NTMT1: variants seen among roughly 807,000 people sequenced by gnomAD.
The protein encoded by NTMT1 is N-terminal RCC1 methyltransferase.
In NTMT1, 8 loss-of-function variants were observed where a neutral mutation model predicts 17.5. That is an observed-to-expected ratio of 0.46 (90% confidence interval 0.27 to 0.82). NTMT1 has a LOEUF of 0.82. Among genes scored for constraint, NTMT1 ranks in the 40% least tolerant of loss-of-function variants. The probability of loss-of-function intolerance (pLI) is 0.15; values close to 1 mark genes in which losing one functional copy is unlikely to be tolerated. For missense variants in NTMT1, 221 were observed against 303.5 expected (o/e 0.73, Z 2.02); for synonymous variants, 128 against 126.8 (o/e 1.01, Z -0.06).
rs1191894043 is a variant in NTMT1, at chr9:129,614,640, A to G, written c.-55+5462A>G. 3.3e-5 allele frequency among the ~76,000 whole-genome samples: 5 copies of G among 152,190 alleles called. No individual in the cohort carries two copies. The highest frequency in any genetic ancestry group is 5.9e-5 in the Non-Finnish European group (4 of 68,028). ...TGGGAATGGCCAGGCGCGGTGGCTC[A>G]TGCCTGTAATCCCAGCACTTTGGGA... On this transcript the variant is annotated intron_variant, in intron 1 of 3. Coordinates refer to the NTMT1 transcript ENST00000372486. This position sits in a 1 kb window ranked among gnomAD's most constrained non-coding sequence, Gnocchi z 4.4.
intron 2 of NTMT1, among the ~76,000 whole-genome samples, 191 bp from the exon 3 acceptor site, chr9:129,633,863 G>A (rs1304164817): frequency 3.9e-5 from 6 of 152,132 alleles, no homozygotes; most frequent in Admixed American, 3.9e-4. Context: ...GTGTGGCCCA[G>A]CAGTGTGTCC....
rs372378735 is a variant in NTMT1, at chr9:129,620,440, G to A, written c.-55+11262G>A. On this transcript the variant is annotated intron_variant, in intron 1 of 3. Coordinates refer to the NTMT1 transcript ENST00000372486. This position sits in a 1 kb window ranked among gnomAD's most constrained non-coding sequence, Gnocchi z 5.8. ...TCCTCCAGTCCCCGGAGCCCCGCGC[G>A]CCCAGAGCCGCTCGGAGCGCGGGCG... 2.3e-6 allele frequency: 3 copies of A among 1,294,648 alleles called. No homozygotes were observed. The highest frequency in any genetic ancestry group is 2.2e-5 in the South Asian group (1 of 45,468). 80.2% of individuals were successfully genotyped at this position (1,294,648 alleles called of 1,614,324 possible). A position where few individuals can be genotyped will look rare whatever the true frequency, so the allele number is the denominator to read the frequency against.
rs1238761582 is a variant in NTMT1, at chr9:129,627,631, TC to T, written c.-55+1337del. On this transcript the variant is annotated intron_variant, in intron 1 of 3. Coordinates refer to ENST00000372483, the MANE Select transcript of NTMT1 (RefSeq NM_014064.4). Reference sequence around the variant, plus strand: ...CACAGCAGGTGTGCAGAGCCAAGATTCAGATCTGGTTCATCTGGCTCCATCA... The same window carrying T: ...CACAGCAGGTGTGCAGAGCCAAGATTAGATCTGGTTCATCTGGCTCCATCA... 1.4e-4 allele frequency among the ~76,000 whole-genome samples: 21 copies of T among 152,352 alleles called. No homozygotes were observed. In the South Asian group the frequency reaches 4.1e-3, roughly 30 times the overall value.
intron 1 of NTMT1, among the ~76,000 whole-genome samples, chr9:129,610,614 G>GAGCGCC (rs957654335): frequency 6.6e-6 from 1 of 151,898 alleles, no homozygotes; most frequent in Non-Finnish European, 1.5e-5. Flanking sequence ...GGGCGGGCGC[G>GAGCGCC]AGCGCCGCGC....
chr9:129,619,805 C>A (rs372977717), intron 1 of NTMT1: 34 of 1,613,966 alleles, frequency 2.1e-5, no homozygotes, highest in Admixed American at 3.3e-5. Flanking sequence ...CTAATACACC[C>A]CTTTGATGTT....
At chr9:129,615,988 G>A (rs16931336) in intron 1 of NTMT1, among the ~76,000 whole-genome samples, 27,961 of 152,108 alleles carry the variant, frequency 0.18, 2,991 homozygotes, top group East Asian at 0.3. Flanking sequence ...CAGAGCTGGC[G>A]CCCTCGCACG....
At position 129,634,123 on chromosome 9, in the gene NTMT1, C is replaced by T. The variant is rs756650474; in HGVS notation, c.232C>T (p.Arg78Trp). 6.6e-5 allele frequency: 107 copies of T among 1,613,932 alleles called. No homozygotes were observed. The highest frequency in any genetic ancestry group is 8.6e-5 in the Non-Finnish European group (102 of 1,180,006). Residue 78 changes from arginine to tryptophan, a missense_variant, in exon 3 of 4, where the codon CGG (arginine) becomes TGG (tryptophan). Arg to Trp is a moderately radical substitution (Grantham distance 101). Coordinates refer to ENST00000372483, the MANE Select transcript of NTMT1 (RefSeq NM_014064.4). ...AGCTGGCATTGGGAGGATCACCAAG[C>T]GGCTGCTCCTGCCGCTGTTCAGAGA... ...CGAGIGRITK[R>W]LLLPLFREVD...
chr9:129,615,452 G>A (rs766786474), intron 1 of NTMT1: 1 of 1,529,954 alleles, frequency 6.5e-7, no homozygotes, highest in Non-Finnish European at 8.8e-7. Context: ...GAACTTTCGG[G>A]AGTCTCGAGG....
At chr9:129,630,255 T>G (rs777024356) in intron 1 of NTMT1, among the ~76,000 whole-genome samples, 7 of 152,132 alleles carry the variant, frequency 4.6e-5, no homozygotes, top group Non-Finnish European at 7.4e-5. Context: ...GGTGGATTGC[T>G]TGCAGCCAGG....
Position 129,620,685 on chromosome 9 carries a change from A to ACTAT in NTMT1, c.-55+11507_-55+11508insCTAT. Reference sequence around the variant, plus strand: ...CAGGCCATAGTGCCCCGGGCGGGGCAGCGCGGTGCGGGGTGAACGCCACCG... The same window carrying ACTAT: ...CAGGCCATAGTGCCCCGGGCGGGGCACTATGCGCGGTGCGGGGTGAACGCCACCG... On this transcript the variant is annotated intron_variant, in intron 1 of 3. Coordinates refer to the NTMT1 transcript ENST00000372486. This position sits in a 1 kb window ranked among gnomAD's most constrained non-coding sequence, Gnocchi z 5.8. The ACTAT allele has an allele frequency of 9.5e-7, 1 of 1,054,922 alleles. No homozygotes were observed. Among genetic ancestry groups the ACTAT allele is most frequent in the Non-Finnish European group, 1.2e-6 (1 of 826,772 alleles). 65.3% of individuals were successfully genotyped at this position (1,054,922 alleles called of 1,614,324 possible).
chr9:129,624,496 C>T (rs577674310), upstream of NTMT1, among the ~76,000 whole-genome samples: 28 of 152,332 alleles, frequency 1.8e-4, 1 homozygote, highest in South Asian at 5.2e-3. Context: ...CACATACACA[C>T]ATCCTGCGGA....
rs1016195880 is a variant in NTMT1 at position 129,613,345 on chromosome 9, G to A, written c.-55+4167G>A. ...CCTTGAGGACCCACACTGGCAACCC[G>A]CCTGCTGCTGGGTGGGGAGGTCTGT... On this transcript the variant is annotated intron_variant, in intron 1 of 3. Transcript: ENST00000372486. This position sits in a 1 kb window ranked among gnomAD's most constrained non-coding sequence, Gnocchi z 6.2. The A allele has an allele frequency of 2.0e-5, 32 of 1,568,048 alleles. No individual in the cohort carries two copies. The highest frequency in any genetic ancestry group is 3.6e-5 in the Admixed American group (2 of 55,304).
intron 1 of NTMT1, among the ~76,000 whole-genome samples, chr9:129,610,721 C>G (rs1385198441): frequency 6.6e-6 from 1 of 152,076 alleles, no homozygotes; most frequent in African/African-American, 2.4e-5. Context: ...CGCGTGGGCG[C>G]GCCGCGGTGC....
intron 1 of NTMT1, chr9:129,619,399 G>C (rs1830557847): frequency 1.3e-6 from 1 of 742,508 alleles, no homozygotes; most frequent in Non-Finnish European, 2.3e-6. Flanking sequence ...CCATATGTAA[G>C]GATGGATGAA....
In NTMT1 at chr9:129,614,552, T is replaced by C. The variant is rs1830257606; in HGVS notation, c.-55+5374T>C. Among the ~76,000 whole-genome samples the C allele has an allele frequency of 6.6e-6, 1 of 152,068 alleles. No individual in the cohort carries two copies. The highest frequency in any genetic ancestry group is 2.4e-5 in the African/African-American group (1 of 41,404). ...AGAAAAAGGTGGAGCTTAGTCAAGG[T>C]TATACCAGAGTAAGAACAGGGACTT... On this transcript the variant is annotated intron_variant, in intron 1 of 3. Coordinates refer to the NTMT1 transcript ENST00000372486. This position sits in a 1 kb window ranked among gnomAD's most constrained non-coding sequence, Gnocchi z 4.4.
Position 129,632,763 on chromosome 9 carries a change from G to A in NTMT1, c.60G>A (p.Trp20Ter). The A allele has an allele frequency of 6.2e-7, 1 of 1,614,222 alleles. No homozygotes were observed. Among genetic ancestry groups the A allele is most frequent in the Non-Finnish European group, 8.5e-7 (1 of 1,180,038 alleles). The change falls in exon 2 of 4, where the codon TGG (tryptophan) becomes TGA (stop). Residue 20 changes from tryptophan to a stop codon, truncating the protein, a stop_gained. Transcript: ENST00000372483. LOFTEE classifies it high-confidence loss of function. ...TCTATTCCAAGGCCAAGACCTACTGGAAACAAATCCCACCCACGGTGGACG... is the reference window on the plus strand; with the variant it reads ...TCTATTCCAAGGCCAAGACCTACTGAAAACAAATCCCACCCACGGTGGACG... ...KQFYSKAKTY[W>*]KQIPPTVDGM...
chr9:129,611,578 C>T (rs901021750), intron 1 of NTMT1, among the ~76,000 whole-genome samples: 3 of 151,040 alleles, frequency 2.0e-5, no homozygotes, highest in Non-Finnish European at 4.4e-5. Context: ...GGAGTCTGGA[C>T]GCCCTCACTC....
At chr9:129,626,383 C>G (rs1304550941) in intron 1 of NTMT1, 88 bp downstream of exon 1, 2 of 152,272 alleles carry the variant, frequency 1.3e-5, no homozygotes, top group Non-Finnish European at 2.9e-5. Context: ...CCTGAGGTCC[C>G]GGGTCCCCGG....
intron 1 of NTMT1, chr9:129,615,515 T>C (rs926811210): frequency 6.2e-7 from 1 of 1,608,874 alleles, no homozygotes; most frequent in Admixed American, 1.7e-5. Context: ...AGCGGAGCGT[T>C]GTGTCCTGCA....
Sources: gnomAD v4.1 joint callset for allele counts (sites outside exome capture counted in the v4.1 genomes callset) on GRCh38, gnomAD v4.1.1 for gene constraint, Gnocchi (gnomAD v3.1) non-coding constraint, MANE v1.5 for transcripts, NCBI Gene and HGNC (gene_info 2026-07-23, HGNC 2026-07-21) for gene names.